Variants in WDR47 observed in about 807,000 individuals in gnomAD.
The protein encoded by WDR47 is WD repeat domain 47, also known as WD repeat-containing protein 47.
In WDR47, 32 loss-of-function variants were observed where a neutral mutation model predicts 97.2. The observed-to-expected ratio is 0.33, with a 90% CI of 0.25 to 0.44. The LOEUF (loss-of-function observed/expected upper bound fraction) is 0.44. Ranked by LOEUF, WDR47 falls within the 20% of genes least tolerant of loss-of-function variation. The pLI is 1.00. For missense variants in WDR47, 782 were observed against 1,102.3 expected, an observed-to-expected ratio of 0.71 and a Z score of 4.11; for synonymous variants, 375 against 373.5, an observed-to-expected ratio of 1.00 and a Z score of -0.05.
chr1:109,017,729 T>A (rs1036964510), intron 2 of WDR47, 128 bp from the exon 3 acceptor site: 15 of 744,386 alleles, frequency 2.0e-5, no homozygotes, highest in South Asian at 1.2e-4. Context: ...TTTATTTGAT[T>A]CCTCAAATAA....
chr1:108,995,534 T>C (rs777820688), intron 8 of WDR47, 46 bp downstream of exon 8: 13 of 1,601,536 alleles, frequency 8.1e-6, no homozygotes, highest in East Asian at 6.7e-5. Context: ...TTCTAACCAT[T>C]AGTAGTAAGT....
At chr1:109,000,873 T>C (rs901999469) in intron 7 of WDR47, among the ~76,000 whole-genome samples, 1 of 152,188 alleles carries the variant, frequency 6.6e-6, no homozygotes, top group African/African-American at 2.4e-5. Flanking sequence ...ATCATGACAA[T>C]AGCCAACATT....
chr1:108,992,709 C>T (rs1659453939), intron 8 of WDR47: 2 of 1,571,314 alleles, frequency 1.3e-6, no homozygotes, highest in Non-Finnish European at 1.7e-6. Context: ...ATGAGCTCTC[C>T]CTGCCACATT....
In WDR47 at chr1:109,004,733, C is replaced by A; in HGVS notation, c.1131-18G>T. On this transcript the variant is annotated intron_variant, in intron 5 of 14. Coordinates refer to ENST00000369962, the MANE Select transcript of WDR47 (RefSeq NM_001142551.2). ...GTGTATCACTTCTTCCAGAAACGTGCAAAAAAACAAAAAGGCAGAGGGGGG... is the reference window on the plus strand; with the variant it reads ...GTGTATCACTTCTTCCAGAAACGTGAAAAAAAACAAAAAGGCAGAGGGGGG... The A allele has an allele frequency of 6.4e-6, 10 of 1,555,974 alleles. No individual in the cohort carries two copies. In the Admixed American group the frequency reaches 1.0e-4, roughly 16 times the overall value.
Position 109,002,312 on chromosome 1 carries a change from T to C in WDR47, c.1345A>G (p.Ile449Val). The C allele has an allele frequency of 1.2e-6, 2 of 1,613,440 alleles. No individual in the cohort carries two copies. Among genetic ancestry groups the C allele is most frequent in the South Asian group, 1.1e-5 (1 of 91,018 alleles). ...HLEQKEQQRQ[I>V]YQQMLLEGGV... ...CCTTCAAGCAACATCTGTTGGTATATCTGCCGCTGTTGCTCCTTCTGTTCT... is the reference window on the plus strand; with the variant it reads ...CCTTCAAGCAACATCTGTTGGTATACCTGCCGCTGTTGCTCCTTCTGTTCT... The change falls in exon 7 of 15, where the codon ATA (isoleucine) becomes GTA (valine). Residue 449 changes from isoleucine to valine, a missense_variant. By Grantham distance (29) the Ile-to-Val change is conservative. Around this residue, in one of 3 missense-constraint regions of WDR47, gnomAD observed 428 missense variants for 584.3 expected, o/e 0.73. Transcript: ENST00000369962.
chr1:109,032,432 C>T (rs1354586257), intron 1 of WDR47, among the ~76,000 whole-genome samples: 3 of 127,944 alleles, frequency 2.3e-5, no homozygotes, highest in Admixed American at 1.8e-4. Context: ...GGCATGAACC[C>T]GGGAGGTGGA....
rs762522935 is a variant in WDR47 at position 108,995,724 on chromosome 1, G to A, written c.1547C>T (p.Ser516Phe). The part of the protein sequence containing the change: ...GSKGNGSNGS[S>F]VTSFTTPPQD... ...GGGTGGTGTAGTAAAACTAGTCACA[G>A]AAGAACCATTAGATCCATTGCCTTT... Residue 516 changes from serine (S) to phenylalanine (F), a missense_variant, in exon 8 of 15, where the codon TCT becomes TTT. Ser to Phe is a radical substitution (Grantham distance 155). This residue lies in a region of WDR47 where 126 missense variants were observed against 121.3 expected (regional missense o/e 1.04). Transcript: ENST00000369962. The A allele has an allele frequency of 3.1e-6, 5 of 1,614,046 alleles. No individual in the cohort carries two copies. The highest frequency in any genetic ancestry group is 2.7e-5 in the African/African-American group (2 of 74,930).
At position 109,002,414 on chromosome 1, in the gene WDR47, T is replaced by C. The variant is rs757572410; in HGVS notation, c.1255-12A>G. 1 of 1,557,508 alleles carries C rather than the reference T, an allele frequency of 6.4e-7. No individual in the cohort carries two copies. Among genetic ancestry groups the C allele is most frequent in the Non-Finnish European group, 8.7e-7 (1 of 1,154,044 alleles). On this transcript the variant is annotated splice_polypyrimidine_tract_variant and intron_variant, in intron 6 of 14. Coordinates refer to ENST00000369962, the MANE Select transcript of WDR47 (RefSeq NM_001142551.2). ...GTTGAATCTCGAAGCTTAAAAACAT[T>C]AGAAAAAAACATATATATTTGAGCA...
intron 14 of WDR47, among the ~76,000 whole-genome samples, chr1:108,972,009 A>T (rs774688476): frequency 6.6e-6 from 1 of 152,084 alleles, no homozygotes; most frequent in African/African-American, 2.4e-5. Flanking sequence ...TTTTATCTCC[A>T]ATCTTGGTTC....
Position 109,002,272 on chromosome 1 carries a change from T to G in WDR47, c.1385A>C (p.Glu462Ala). The change falls in exon 7 of 15, where the codon GAG (glutamate) becomes GCG (alanine). Residue 462 changes from glutamate (E) to alanine (A), a missense_variant. Transcript: ENST00000369962. ...QMLLEGGVNQ[E>A]DGPDQQQNLT... ...ATTCTGCTGCTGATCAGGACCATCC[T>G]CCTGATTCACGCCTCCTTCAAGCAA... 1.2e-6 allele frequency: 2 copies of G among 1,612,010 alleles called. No homozygotes were observed. Among genetic ancestry groups the G allele is most frequent in the Non-Finnish European group, 1.7e-6 (2 of 1,179,758 alleles).
chr1:109,001,347 A>G (rs1571192374), intron 7 of WDR47, among the ~76,000 whole-genome samples: 1 of 152,004 alleles, frequency 6.6e-6, no homozygotes, highest in Admixed American at 6.6e-5. Flanking sequence ...ATAAACACAC[A>G]CGTGTGTGTA....
intron 6 of WDR47, among the ~76,000 whole-genome samples, chr1:109,004,128 G>A (rs1051208877): frequency 6.6e-6 from 1 of 152,010 alleles, no homozygotes; most frequent in African/African-American, 2.4e-5. Context: ...AGCCAGGTGT[G>A]GTGGCGGGCG....
At chr1:109,002,754 C>T (rs1660310843) in intron 6 of WDR47, among the ~76,000 whole-genome samples, 1 of 152,138 alleles carries the variant, frequency 6.6e-6, no homozygotes, top group Non-Finnish European at 1.5e-5. Context: ...AATATCCATA[C>T]TGAGGGACTG....
chr1:108,972,474 C>T (rs1432007471), intron 14 of WDR47, among the ~76,000 whole-genome samples: 1 of 152,116 alleles, frequency 6.6e-6, no homozygotes, highest in Non-Finnish European at 1.5e-5. Flanking sequence ...TCACATTATA[C>T]TTTTTAAAAT....
intron 1 of WDR47, among the ~76,000 whole-genome samples, chr1:109,032,683 G>A (rs181712068): frequency 6.6e-6 from 1 of 151,910 alleles, no homozygotes; most frequent in African/African-American, 2.4e-5. Flanking sequence ...GATCACTTGA[G>A]GTCAGGAGTT....
chr1:109,020,535 T>A (rs1661758635), intron 2 of WDR47, among the ~76,000 whole-genome samples: 1 of 152,252 alleles, frequency 6.6e-6, no homozygotes, highest in African/African-American at 2.4e-5. Flanking sequence ...GTGCTGGGAT[T>A]ACAGGCGTGA....
chr1:109,009,375 T>A (rs1309228805), intron 5 of WDR47, among the ~76,000 whole-genome samples: 1 of 152,214 alleles, frequency 6.6e-6, no homozygotes, highest in African/African-American at 2.4e-5. Flanking sequence ...CCATGCCAGG[T>A]TTGAAGGAAA....
intron 1 of WDR47, among the ~76,000 whole-genome samples, chr1:109,034,716 A>G (rs35318591): frequency 0.11 from 16,360 of 152,168 alleles, 1,009 homozygotes; most frequent in African/African-American, 0.16. Context: ...TTTCCACCTC[A>G]CCCCTGGTCT....
At chr1:109,006,090 AT>A (rs1660591103) in intron 5 of WDR47, among the ~76,000 whole-genome samples, 1 of 151,818 alleles carries the variant, frequency 6.6e-6, no homozygotes, top group Non-Finnish European at 1.5e-5. Flanking sequence ...AATTTTTGAG[AT>A]TTTATTAGAA....
Sources: gnomAD v4.1 joint callset for allele counts (sites outside exome capture counted in the v4.1 genomes callset) on GRCh38, gnomAD v4.1.1 for gene constraint, gnomAD v4.1.1 regional missense constraint, MANE v1.5 for transcripts, NCBI Gene and HGNC (gene_info 2026-07-23, HGNC 2026-07-21) for gene names.